The following CRADD variants were observed in gnomAD, a reference collection of about 807,000 sequenced individuals.
CRADD encodes death domain-containing protein CRADD.
A neutral mutation model predicts 15.5 loss-of-function variants in CRADD; 9 were observed. The observed-to-expected ratio is 0.58, with a 90% CI of 0.35 to 1.01. The LOEUF (loss-of-function observed/expected upper bound fraction) is 1.01. Among genes scored for constraint, CRADD ranks in the 50% least tolerant of loss-of-function variants. The pLI, the probability that CRADD is intolerant of heterozygous loss-of-function variation, is 0.02. For synonymous variants in CRADD, 118 were observed against 107.6 expected (o/e 1.10, Z -0.60); for missense variants, 227 against 250.3 (o/e 0.91, Z 0.63).
intron 2 of CRADD, among the ~76,000 whole-genome samples, chr12:93,874,984 G>A (rs904796495): frequency 6.6e-6 from 1 of 151,944 alleles, no homozygotes; most frequent in Non-Finnish European, 1.5e-5. Context: ...TTGATTTTCT[G>A]TCTGGAAGAT....
chr12:93,879,642 G>A (rs929971027), intron 2 of CRADD, among the ~76,000 whole-genome samples: 1 of 152,114 alleles, frequency 6.6e-6, no homozygotes, highest in Non-Finnish European at 1.5e-5. Context: ...GAGCACCTCA[G>A]GGCATTTCAC....
At chr12:93,823,647 C>T (rs1438831355) in intron 2 of CRADD, among the ~76,000 whole-genome samples, 2 of 152,204 alleles carry the variant, frequency 1.3e-5, no homozygotes, top group East Asian at 1.9e-4. Flanking sequence ...AAGTGTGAAT[C>T]CATTGCTGTT....
At chr12:93,699,758 C>G (rs553028254) in intron 2 of CRADD, among the ~76,000 whole-genome samples, 3 of 152,278 alleles carry the variant, frequency 2.0e-5, no homozygotes, top group East Asian at 3.9e-4. Flanking sequence ...GGTTCTCAAT[C>G]CCCTAAGGAA....
chr12:93,864,390 A>G (rs891558327), intron 2 of CRADD, among the ~76,000 whole-genome samples: 19 of 152,298 alleles, frequency 1.2e-4, no homozygotes, highest in Non-Finnish European at 2.6e-4. Flanking sequence ...AGCCCCACAC[A>G]CATTTTCTCT....
intron 2 of CRADD, among the ~76,000 whole-genome samples, chr12:93,844,784 A>G (rs930208848): frequency 2.0e-5 from 3 of 152,164 alleles, no homozygotes; most frequent in African/African-American, 7.2e-5. Flanking sequence ...GCAAACAAAC[A>G]AAAAACAATT....
intron 2 of CRADD, among the ~76,000 whole-genome samples, chr12:93,770,095 T>G (rs1957068334): frequency 8.6e-6 from 1 of 115,686 alleles, no homozygotes; most frequent in African/African-American, 3.0e-5. Context: ...TCCTATGTTA[T>G]CTTTTTTTTT....
Position 93,824,609 on chromosome 12 carries a change from G to A in CRADD, c.299-25361G>A, listed in dbSNP as rs564530018. Among the ~76,000 whole-genome samples the A allele has an allele frequency of 7.9e-5, 12 of 152,290 alleles. No homozygotes were observed. Among genetic ancestry groups the A allele is most frequent in the African/African-American group, 2.2e-4 (9 of 41,568 alleles). ...CTTAGGGAACTGTCGTGTTAACACC[G>A]AAGAATGCATTAGAATGCATCATTC... is the stretch of plus-strand genomic sequence containing the variant. On this transcript the variant is annotated intron_variant, in intron 2 of 2. Coordinates refer to ENST00000332896, the MANE Select transcript of CRADD (RefSeq NM_003805.5). This position sits in a 1 kb window ranked among gnomAD's most constrained non-coding sequence, Gnocchi z 4.3.
At chr12:93,759,880 T>G (rs1956930138) in intron 2 of CRADD, among the ~76,000 whole-genome samples, 1 of 152,184 alleles carries the variant, frequency 6.6e-6, no homozygotes, top group Non-Finnish European at 1.5e-5. Flanking sequence ...GAATAGAAAT[T>G]GTTGGGAGTC....
intron 2 of CRADD, among the ~76,000 whole-genome samples, chr12:93,874,393 G>C (rs1958444339): frequency 6.6e-6 from 1 of 151,422 alleles, no homozygotes; most frequent in Non-Finnish European, 1.5e-5. Context: ...TCAACTTTTT[G>C]TTTCATTGAT....
chr12:93,874,003 A>T (rs1379869370), intron 2 of CRADD, among the ~76,000 whole-genome samples: 1 of 152,088 alleles, frequency 6.6e-6, no homozygotes, highest in Admixed American at 6.6e-5. Flanking sequence ...TTTTCAGAAT[A>T]GTTTGAGTAG....
chr12:93,894,276 G>A (rs983383451), exon 3 of CRADD: 13 of 555,644 alleles, frequency 2.3e-5, no homozygotes, highest in Admixed American at 5.7e-5. Flanking sequence ...GTGGGTGGGC[G>A]GGGGGCAGGG....
chr12:93,728,195 T>C (rs1464039186), intron 2 of CRADD, among the ~76,000 whole-genome samples: 1 of 152,218 alleles, frequency 6.6e-6, no homozygotes, highest in Non-Finnish European at 1.5e-5. Flanking sequence ...CGGAAACAAT[T>C]ATAGCAGCAT....
At chr12:93,808,748 C>G (rs1957579277) in intron 2 of CRADD, among the ~76,000 whole-genome samples, 1 of 152,114 alleles carries the variant, frequency 6.6e-6, no homozygotes, top group Non-Finnish European at 1.5e-5. Context: ...GCTGCATGCA[C>G]TGAGTACTGC....
Position 93,774,350 on chromosome 12 carries a change from A to T in CRADD, c.299-75620A>T, listed in dbSNP as rs540572514. Among the ~76,000 whole-genome samples the T allele has an allele frequency of 3.3e-5, 5 of 152,192 alleles. No homozygotes were observed. The East Asian group carries it at 9.6e-4, about 29-fold the overall frequency. On this transcript the variant is annotated intron_variant, in intron 2 of 2. Coordinates refer to ENST00000332896, the MANE Select transcript of CRADD (RefSeq NM_003805.5). Reference sequence around the variant, plus strand: ...GATGGGGGCCTTGGAAGTGATAGAGATTTTACCCCTTCTTTTATAGATGAG... The same window carrying T: ...GATGGGGGCCTTGGAAGTGATAGAGTTTTTACCCCTTCTTTTATAGATGAG...
chr12:93,879,683 A>G (rs11107232), intron 2 of CRADD, among the ~76,000 whole-genome samples: 29,945 of 152,046 alleles, frequency 0.2, 3,660 homozygotes, highest in Middle Eastern at 0.32. Flanking sequence ...TTCCTTAATT[A>G]ACAGTTCAAT....
intron 2 of CRADD, among the ~76,000 whole-genome samples, chr12:93,884,150 C>T (rs1247670695): frequency 6.6e-6 from 1 of 152,180 alleles, no homozygotes; most frequent in East Asian, 1.9e-4. Context: ...GGGAGGCTGG[C>T]TACCACAGTT....
At chr12:93,736,774 G>A (rs150136624) in intron 2 of CRADD, among the ~76,000 whole-genome samples, 44 of 152,340 alleles carry the variant, frequency 2.9e-4, no homozygotes, top group Middle Eastern at 3.4e-3. Context: ...ATAACAGCAT[G>A]AGAAACTTAG....
At chr12:93,856,819 T>G (rs1958278760) in intron 2 of CRADD, among the ~76,000 whole-genome samples, 1 of 152,220 alleles carries the variant, frequency 6.6e-6, no homozygotes, top group Non-Finnish European at 1.5e-5. Context: ...GGGTTCTTTT[T>G]TATGACATCC....
chr12:93,871,404 TACAA>T (rs760447689), intron 2 of CRADD, among the ~76,000 whole-genome samples: 1 of 152,184 alleles, frequency 6.6e-6, no homozygotes, highest in African/African-American at 2.4e-5. Flanking sequence ...TCTTTTGAGT[TACAA>T]ACAATCTGAT....
Sources: allele counts gnomAD v4.1 joint callset (sites outside exome capture counted in the v4.1 genomes callset), GRCh38; gene constraint gnomAD v4.1.1; non-coding constraint Gnocchi (gnomAD v3.1); transcripts MANE v1.5; gene names NCBI Gene and HGNC (gene_info 2026-07-23, HGNC 2026-07-21).